SPAG16: variants seen among roughly 807,000 people sequenced by gnomAD.
SPAG16 encodes sperm-associated antigen 16 protein.
SPAG16 carries 86 observed loss-of-function variants against 80.4 expected under a neutral mutation model. The observed-to-expected ratio is 1.07, with a 90% CI of 0.90 to 1.28. The LOEUF is 1.28. Among genes scored for constraint, SPAG16 ranks in the 50% most tolerant of loss-of-function variants. The pLI is 0.00. For missense variants in SPAG16, 870 were observed against 765.3 expected, an observed-to-expected ratio of 1.14 and a Z score of -1.61; for synonymous variants, 294 against 265.9, an observed-to-expected ratio of 1.11 and a Z score of -1.03.
In SPAG16 at chr2:213,976,133, T is replaced by C. The variant is rs765024790; in HGVS notation, c.1401-37818T>C. On this transcript the variant is annotated intron_variant, in intron 12 of 15. Coordinates refer to ENST00000331683, the MANE Select transcript of SPAG16 (RefSeq NM_024532.5). ...AGATATATATATATATATATATATATATACACACACACACACACACACGTA... is the reference window on the plus strand; with the variant it reads ...AGATATATATATATATATATATATACATACACACACACACACACACACGTA... Among the ~76,000 whole-genome samples, 1,103 of 120,694 alleles carry C rather than the reference T, an allele frequency of 9.1e-3. 21 individuals are homozygous for C. The highest frequency in any genetic ancestry group is 0.037 in the African/African-American group (1,053 of 28,140). The allele number at this position is 120,694 out of a possible 152,430, so 79.2% of individuals were successfully genotyped here. A position where few individuals can be genotyped will look rare whatever the true frequency, so the allele number is the denominator to read the frequency against.
At chr2:213,672,850 A>ATTTTGTTTGTTTTT (rs1204765349) in intron 10 of SPAG16, among the ~76,000 whole-genome samples, 1 of 134,672 alleles carries the variant, frequency 7.4e-6, no homozygotes, top group African/African-American at 2.8e-5. Context: ...TGTTTGTTTT[A>ATTTTGTTTGTTTTT]TTTTGTTTGT....
intron 14 of SPAG16, among the ~76,000 whole-genome samples, chr2:214,144,408 A>G (rs6435815): frequency 0.98 from 149,067 of 152,170 alleles, 73,076 homozygotes; most frequent in East Asian, 1. Flanking sequence ...AAATTTTTCC[A>G]TGTTTTACAT....
rs77656060 is a variant in SPAG16 at position 213,363,469 on chromosome 2, T to C, written c.763-607T>C. Among the ~76,000 whole-genome samples the C allele has an allele frequency of 5.8e-3, 888 of 152,226 alleles. 18 individuals are homozygous for C. The highest frequency in any genetic ancestry group is 0.056 in the East Asian group (289 of 5,180). On this transcript the variant is annotated intron_variant, in intron 7 of 15. Coordinates refer to ENST00000331683, the MANE Select transcript of SPAG16 (RefSeq NM_024532.5). The stretch of plus-strand genomic sequence containing the variant: ...TCTGTATGTAATTGAACAGATGGTA[T>C]TTTGTGTTGGTATAATCATATACAA...
At chr2:213,653,594 C>G (rs192303519) in intron 10 of SPAG16, among the ~76,000 whole-genome samples, 52 of 152,246 alleles carry the variant, frequency 3.4e-4, no homozygotes, top group African/African-American at 1.3e-3. Context: ...TTATGAATTT[C>G]TACTTATTGA....
rs1452080208 is a variant in SPAG16, at chr2:213,350,643, C to A, written c.760C>A (p.Gln254Lys). 4 of 1,557,088 alleles carry A rather than the reference C, an allele frequency of 2.6e-6. No homozygotes were observed. The highest frequency in any genetic ancestry group is 3.5e-6 in the Non-Finnish European group (4 of 1,146,944). The change falls in exon 7 of 16, where the codon CAG becomes AAG. Residue 254 changes from glutamine (Q) to lysine (K), a missense_variant and splice_region_variant. By Grantham distance (53) the Gln-to-Lys change is moderately conservative. Coordinates refer to ENST00000331683, the MANE Select transcript of SPAG16 (RefSeq NM_024532.5). ...TSLERDKVVG[Q>K]ISGLQETLKK... ...CTTGGAAAGAGACAAAGTAGTTGGGCAGGTAAAGATATAGTCAAAGCTAAC... is the reference window on the plus strand; with the variant it reads ...CTTGGAAAGAGACAAAGTAGTTGGGAAGGTAAAGATATAGTCAAAGCTAAC...
At chr2:213,848,454 G>A (rs1267698197) in intron 10 of SPAG16, among the ~76,000 whole-genome samples, 2 of 152,052 alleles carry the variant, frequency 1.3e-5, no homozygotes, top group Non-Finnish European at 2.9e-5. Context: ...ACCCATTTCT[G>A]GATACTAAGC....
Position 214,109,604 on chromosome 2 carries a change from G to C in SPAG16, c.1593+1343G>C, listed in dbSNP as rs1032768706. ...CTCACTAAAAATTATATCTACTAAGGGAATGTTGATTGCTCCAATTGAAAT... is the reference window on the plus strand; with the variant it reads ...CTCACTAAAAATTATATCTACTAAGCGAATGTTGATTGCTCCAATTGAAAT... On this transcript the variant is annotated intron_variant, in intron 14 of 15. Coordinates refer to ENST00000331683, the MANE Select transcript of SPAG16 (RefSeq NM_024532.5). 3.3e-5 allele frequency among the ~76,000 whole-genome samples: 5 copies of C among 152,198 alleles called. No homozygotes were observed. The South Asian group carries it at 8.3e-4, about 25-fold the overall frequency.
intron 10 of SPAG16, among the ~76,000 whole-genome samples, chr2:213,554,944 C>T (rs752770031): frequency 6.6e-6 from 1 of 151,702 alleles, no homozygotes. Context: ...AATGATAGCA[C>T]AAAACTTTCC....
intron 15 of SPAG16, among the ~76,000 whole-genome samples, chr2:214,207,036 A>T (rs1034911219): frequency 6.6e-6 from 1 of 152,184 alleles, no homozygotes; most frequent in Non-Finnish European, 1.5e-5. Flanking sequence ...AGAAAATCAG[A>T]CTATTAAAGA....
At chr2:213,931,235 A>T (rs2078739254) in intron 12 of SPAG16, among the ~76,000 whole-genome samples, 1 of 152,210 alleles carries the variant, frequency 6.6e-6, no homozygotes, top group Admixed American at 6.5e-5. Flanking sequence ...TTAGTGGATA[A>T]GGAGCATAAC....
intron 10 of SPAG16, among the ~76,000 whole-genome samples, chr2:213,655,943 T>C (rs1291508303): frequency 6.6e-6 from 1 of 152,260 alleles, no homozygotes; most frequent in African/African-American, 2.4e-5. Flanking sequence ...TTATGGAATT[T>C]CCTAGTCATT....
intron 10 of SPAG16, among the ~76,000 whole-genome samples, chr2:213,555,955 G>T (rs886427832): frequency 2.6e-5 from 4 of 152,004 alleles, no homozygotes; most frequent in Non-Finnish European, 4.4e-5. Flanking sequence ...AAAATGGGGG[G>T]TGGAATGAAA....
intron 10 of SPAG16, among the ~76,000 whole-genome samples, chr2:213,594,714 C>T (rs988125276): frequency 1.3e-5 from 2 of 152,124 alleles, no homozygotes; most frequent in African/African-American, 4.8e-5. Context: ...AGGGACTTGG[C>T]TGATGTATAA....
intron 10 of SPAG16, among the ~76,000 whole-genome samples, chr2:213,692,183 T>C (rs1395969953): frequency 1.3e-5 from 2 of 152,102 alleles, no homozygotes; most frequent in Non-Finnish European, 2.9e-5. Flanking sequence ...ATGAAACCAA[T>C]CATAATGAAA....
chr2:214,273,850 G>T (rs1692227839), intron 15 of SPAG16, among the ~76,000 whole-genome samples: 1 of 152,186 alleles, frequency 6.6e-6, no homozygotes, highest in Admixed American at 6.5e-5. Context: ...TTGGTAGCTT[G>T]ATGGGGATTG....
chr2:213,397,397 G>T (rs956590030), intron 9 of SPAG16, among the ~76,000 whole-genome samples: 4 of 152,046 alleles, frequency 2.6e-5, no homozygotes, highest in African/African-American at 9.7e-5. Flanking sequence ...CTTTCAGTTT[G>T]TTCTCCCTCC....
At chr2:213,780,596 G>T (rs2069892258) in intron 10 of SPAG16, among the ~76,000 whole-genome samples, 1 of 138,290 alleles carries the variant, frequency 7.2e-6, no homozygotes, top group East Asian at 2.1e-4. Context: ...TTTTGGTGGT[G>T]AGCGGGGGTG....
At chr2:214,107,918 T>C (rs1170349750) in intron 13 of SPAG16, among the ~76,000 whole-genome samples, 1 of 152,106 alleles carries the variant, frequency 6.6e-6, no homozygotes, top group Non-Finnish European at 1.5e-5. Context: ...AATTGAGAAA[T>C]GCAGCCACTT....
chr2:213,317,719 C>T (rs2063459103), intron 5 of SPAG16: 1 of 987,886 alleles, frequency 1.0e-6, no homozygotes, highest in Admixed American at 6.0e-5. Flanking sequence ...GAGGAAATTG[C>T]TAGTTTATTC....
Sources: gnomAD v4.1 joint callset for allele counts (sites outside exome capture counted in the v4.1 genomes callset) on GRCh38, gnomAD v4.1.1 for gene constraint, MANE v1.5 for transcripts, NCBI Gene and HGNC (gene_info 2026-07-23, HGNC 2026-07-21) for gene names.